The following DCAF16 variants were observed in gnomAD, a reference collection of about 807,000 sequenced individuals.
DCAF16 encodes DDB1 and CUL4 associated factor 16.
DCAF16 carries 10 observed loss-of-function variants against 17.3 expected under a neutral mutation model. The observed-to-expected ratio is 0.58, with a 90% CI of 0.36 to 0.98. DCAF16 has a LOEUF of 0.98. DCAF16 is among the 50% of genes least tolerant of loss of function. The pLI, the probability that DCAF16 is intolerant of heterozygous loss-of-function variation, is 0.01. For synonymous variants in DCAF16, 111 were observed against 92.8 expected (o/e 1.20, Z -1.12); for missense variants, 249 against 247.6 (o/e 1.01, Z -0.04).
chr4:17,800,092 C>T (rs1024643933), downstream of DCAF16, among the ~76,000 whole-genome samples: 4 of 145,334 alleles, frequency 2.8e-5, no homozygotes, highest in East Asian at 8.0e-4. Flanking sequence ...TGCAGTGAGC[C>T]GAGATTGCGC....
At chr4:17,808,680 T>C (rs1450549540) in intron 1 of DCAF16, among the ~76,000 whole-genome samples, 1 of 151,832 alleles carries the variant, frequency 6.6e-6, no homozygotes, top group Non-Finnish European at 1.5e-5. Context: ...CATTCTTCTG[T>C]AACTGACAAA....
intron 1 of DCAF16, chr4:17,809,314 TA>T: frequency 6.6e-6 from 1 of 152,156 alleles, no homozygotes; most frequent in East Asian, 1.9e-4. Flanking sequence ...AAAGGTTAAT[TA>T]AGTGCAAGTT....
downstream of DCAF16, among the ~76,000 whole-genome samples, chr4:17,797,468 T>G (rs566833585): frequency 6.6e-6 from 1 of 152,300 alleles, no homozygotes; most frequent in African/African-American, 2.4e-5. Flanking sequence ...AGAAGGAAAC[T>G]GGGGTCTGGT....
At chr4:17,809,045 A>AT (rs1720602043) in intron 1 of DCAF16, among the ~76,000 whole-genome samples, 3 of 152,270 alleles carry the variant, frequency 2.0e-5, no homozygotes, top group South Asian at 4.1e-4. Context: ...AAAATAAAAA[A>AT]ATATATATTA....
At position 17,803,957 on chromosome 4, in the gene DCAF16, T is replaced by C. The variant is rs989008425; in HGVS notation, c.185A>G (p.Tyr62Cys). The change falls in exon 3 of 3, where the codon TAT becomes TGT. Residue 62 changes from tyrosine (Y) to cysteine (C), a missense_variant. Coordinates refer to ENST00000382247, the MANE Select transcript of DCAF16 (RefSeq NM_017741.4). ...LAWQVKCLLK[Y>C]STTWKPLNPN... The stretch of plus-strand genomic sequence containing the variant: ...ATTTAAAGGTTTCCAAGTTGTGGAA[T>C]ATTTTAAAAGGCACTTAACCTGCCA... The C allele has an allele frequency of 6.2e-7, 1 of 1,614,058 alleles. No individual in the cohort carries two copies.
chr4:17,798,118 T>C (rs1040583253), downstream of DCAF16, among the ~76,000 whole-genome samples: 1 of 152,186 alleles, frequency 6.6e-6, no homozygotes, highest in East Asian at 1.9e-4. Context: ...ATTGTTGTTA[T>C]ATAGAGCCTA....
At position 17,810,735 on chromosome 4, in the gene DCAF16, G is replaced by C; in HGVS notation, c.-1038C>G. 1 of 208,510 alleles carries C rather than the reference G, an allele frequency of 4.8e-6. No individual in the cohort carries two copies. The highest frequency in any genetic ancestry group is 1.0e-4 in the East Asian group (1 of 9,788). 12.9% of individuals were successfully genotyped at this position (208,510 alleles called of 1,614,324 possible). On this transcript the variant is annotated 5_prime_UTR_variant, in exon 1 of 3. Transcript: ENST00000382247. ...TCCGGTGGCAAGGCCACTCCGCTCA[G>C]CTCCCGCGCCGACGCTACTTCCGGC...
downstream of DCAF16, among the ~76,000 whole-genome samples, chr4:17,800,144 C>CAAAAA (rs971077538): frequency 2.2e-5 from 1 of 45,988 alleles, no homozygotes; most frequent in South Asian, 8.1e-4. Context: ...AACTCCATCT[C>CAAAAA]AAAAAAAAAA....
rs542845071 is a variant in DCAF16 at position 17,803,484 on chromosome 4, T to C, written c.*7A>G. 3.7e-6 allele frequency: 6 copies of C among 1,610,472 alleles called. No individual in the cohort carries two copies. The highest frequency in any genetic ancestry group is 3.3e-5 in the South Asian group (3 of 90,802). ...ACATCAGAGATATCAGAGCAAATGG[T>C]AGATCTTTACAGTGATGCAGTTAGG... On this transcript the variant is annotated 3_prime_UTR_variant, in exon 3 of 3. Transcript: ENST00000382247.
At chr4:17,798,744 T>C (rs1327555989), downstream of DCAF16, among the ~76,000 whole-genome samples, 1 of 152,208 alleles carries the variant, frequency 6.6e-6, no homozygotes, top group African/African-American at 2.4e-5. Context: ...TTCCATTTCT[T>C]GGTCTCAGTT....
Position 17,804,088 on chromosome 4 carries a change from T to C in DCAF16, c.54A>G (p.Glu18=), listed in dbSNP as rs747410481. Residue 18 remains glutamate (E), a synonymous_variant, in exon 3 of 3, where the codon GAA becomes GAG. Transcript: ENST00000382247. The stretch of plus-strand genomic sequence containing the variant: ...CATTTAGGTAACTAATATTTTCTTC[T>C]TCCTCACTTTCTGATTCTGACAAGT... ...PDHLSESESE[E]EENISYLNES... is the part of the protein sequence containing the mutation. 1 of 1,614,162 alleles carries C rather than the reference T, an allele frequency of 6.2e-7. No homozygotes were observed. The highest frequency in any genetic ancestry group is 1.1e-5 in the South Asian group (1 of 91,084).
rs1560212491 is a variant in DCAF16 at position 17,804,627 on chromosome 4, AG to A, written c.-487del. The A allele has an allele frequency of 5.6e-6, 1 of 177,468 alleles. No individual in the cohort carries two copies. The highest frequency in any genetic ancestry group is 1.4e-5 in the Non-Finnish European group (1 of 74,066). The allele number at this position is 177,468 out of a possible 1,614,324, so 11.0% of individuals were successfully genotyped here. ...TCCGCTGGTATAGCAACTTTTGTGC[AG>A]GGGGGAATGACGGGATGAGCTGTCA... On this transcript the variant is annotated 5_prime_UTR_variant, in exon 3 of 3. The change abolishes the stop of an existing upstream ORF in the 5' untranslated region. Transcript: ENST00000382247.
chr4:17,799,331 T>C (rs1719583940), downstream of DCAF16, among the ~76,000 whole-genome samples: 1 of 152,230 alleles, frequency 6.6e-6, no homozygotes, highest in African/African-American at 2.4e-5. Context: ...GTTTATTTAA[T>C]ATGACCCTAG....
the DCAF16 span, among the ~76,000 whole-genome samples, chr4:17,794,907 T>C: frequency 6.6e-6 from 1 of 152,228 alleles, no homozygotes; most frequent in Non-Finnish European, 1.5e-5. Flanking sequence ...GATACCTACT[T>C]CCTGGAACCT....
chr4:17,797,748 C>T (rs1333888064), downstream of DCAF16, among the ~76,000 whole-genome samples: 1 of 152,180 alleles, frequency 6.6e-6, no homozygotes, highest in African/African-American at 2.4e-5. Context: ...GGAAGATGGC[C>T]ATGCCCTTGG....
At chr4:17,806,849 A>G (rs1720373313) in intron 1 of DCAF16, among the ~76,000 whole-genome samples, 1 of 152,208 alleles carries the variant, frequency 6.6e-6, no homozygotes, top group Admixed American at 6.5e-5. Context: ...ATAGAGCAGA[A>G]TAGAGCTTAG....
the DCAF16 span, among the ~76,000 whole-genome samples, chr4:17,794,049 T>G: frequency 6.6e-6 from 1 of 152,136 alleles, no homozygotes; most frequent in South Asian, 2.1e-4. Flanking sequence ...TAAAATATTA[T>G]ATAGGAATAT....
the DCAF16 span, among the ~76,000 whole-genome samples, chr4:17,794,069 C>A: frequency 3.3e-5 from 5 of 152,016 alleles, no homozygotes; most frequent in Non-Finnish European, 7.4e-5. Context: ...TATTATGGAC[C>A]AGCCACTGTA....
intron 1 of DCAF16, 88 bp downstream of exon 1, chr4:17,810,359 A>T (rs28365804): frequency 6.6e-6 from 1 of 152,474 alleles, no homozygotes; most frequent in East Asian, 1.9e-4. Flanking sequence ...CGATCCCCGG[A>T]CTGCCTGCAC....
Sources: allele counts gnomAD v4.1 joint callset (sites outside exome capture counted in the v4.1 genomes callset), GRCh38; gene constraint gnomAD v4.1.1; transcripts MANE v1.5; gene names NCBI Gene and HGNC (gene_info 2026-07-23, HGNC 2026-07-21).